The following GPC5 variants were observed in gnomAD, a reference collection of about 807,000 sequenced individuals.
The protein encoded by GPC5 is glypican-5.
Under a neutral mutation model 53.9 loss-of-function variants are expected in GPC5, and 47 were observed. The ratio of observed to expected loss-of-function variants is 0.87; its 90% CI spans 0.69 to 1.11. The LOEUF (loss-of-function observed/expected upper bound fraction) is 1.11, where lower values mean the gene tolerates loss of function less well. GPC5 is among the 50% of genes most tolerant of loss of function. The probability of loss-of-function intolerance (pLI) is 0.00; values close to 1 mark genes in which losing one functional copy is unlikely to be tolerated. For missense variants in GPC5, 748 were observed against 713.1 expected, an observed-to-expected ratio of 1.05 and a Z score of -0.56; for synonymous variants, 286 against 263.3, an observed-to-expected ratio of 1.09 and a Z score of -0.84.
At chr13:92,406,543 G>T (rs1875804380) in intron 7 of GPC5, among the ~76,000 whole-genome samples, 1 of 152,152 alleles carries the variant, frequency 6.6e-6, no homozygotes, top group African/African-American at 2.4e-5. Context: ...TGAGCCAGGT[G>T]CTCTGCTCCA....
intron 7 of GPC5, among the ~76,000 whole-genome samples, chr13:92,654,297 C>G (rs557206539): frequency 6.6e-6 from 1 of 152,244 alleles, no homozygotes; most frequent in South Asian, 2.1e-4. Context: ...CCTTATAACT[C>G]AATATTTCCA....
chr13:92,295,622 A>G (rs1230581777), intron 7 of GPC5, among the ~76,000 whole-genome samples: 3 of 152,132 alleles, frequency 2.0e-5, no homozygotes, highest in Non-Finnish European at 4.4e-5. Flanking sequence ...TAATTGTTTT[A>G]TAATCTTGGG....
In GPC5 at chr13:92,374,502, A is replaced by C. The variant is rs577682429; in HGVS notation, c.1561+229513A>C. ...GAGCTTCCTCCTGGATAAAAAGTACACCATGGAATACTATGCAGCCATAAA... is the reference window on the plus strand; with the variant it reads ...GAGCTTCCTCCTGGATAAAAAGTACCCCATGGAATACTATGCAGCCATAAA... On this transcript the variant is annotated intron_variant, in intron 7 of 7. Coordinates refer to ENST00000377067, the MANE Select transcript of GPC5 (RefSeq NM_004466.6). Among the ~76,000 whole-genome samples the C allele has an allele frequency of 2.0e-5, 3 of 152,200 alleles. No individual in the cohort carries two copies. The East Asian group carries it at 5.8e-4, about 29-fold the overall frequency.
At chr13:92,057,273 G>A (rs1250232141) in intron 6 of GPC5, among the ~76,000 whole-genome samples, 1 of 150,998 alleles carries the variant, frequency 6.6e-6, no homozygotes, top group East Asian at 2.0e-4. Context: ...CATATGAAGT[G>A]ACAGAAATGT....
chr13:92,196,249 A>G (rs2042256036), intron 7 of GPC5, among the ~76,000 whole-genome samples: 2 of 152,136 alleles, frequency 1.3e-5, no homozygotes, highest in Admixed American at 1.3e-4. Context: ...ATTAATATCA[A>G]TTTTACAGCC....
intron 5 of GPC5, among the ~76,000 whole-genome samples, chr13:91,803,136 G>C (rs1270700044): frequency 2.0e-5 from 3 of 152,086 alleles, no homozygotes; most frequent in Admixed American, 1.3e-4. Context: ...ACCAAAAATT[G>C]TCATTAACTA....
chr13:92,823,015 T>A (rs1877725525), intron 7 of GPC5, among the ~76,000 whole-genome samples: 1 of 151,544 alleles, frequency 6.6e-6, no homozygotes. Flanking sequence ...TACTACCAGG[T>A]CTCTTGGCAT....
At chr13:91,492,634 C>T (rs1405283558) in intron 2 of GPC5, among the ~76,000 whole-genome samples, 1 of 152,192 alleles carries the variant, frequency 6.6e-6, no homozygotes, top group Non-Finnish European at 1.5e-5. Context: ...TTCAGTTCAG[C>T]TCACCAGTTC....
chr13:91,622,082 T>G (rs1359469643), intron 2 of GPC5, among the ~76,000 whole-genome samples: 8 of 152,000 alleles, frequency 5.3e-5, no homozygotes, highest in African/African-American at 1.7e-4. Context: ...TGCCCTTCCA[T>G]CTTCTCTTGC....
At chr13:92,019,014 GT>G (rs548620294) in intron 6 of GPC5, among the ~76,000 whole-genome samples, 69 of 151,956 alleles carry the variant, frequency 4.5e-4, no homozygotes, top group Non-Finnish European at 8.5e-4. Flanking sequence ...TAAAATATTG[GT>G]GTATGTTCGA....
chr13:91,848,536 A>G (rs1420766453), intron 5 of GPC5, among the ~76,000 whole-genome samples: 2 of 152,214 alleles, frequency 1.3e-5, no homozygotes, highest in Non-Finnish European at 2.9e-5. Context: ...TGGGCCTATA[A>G]GAGTTAGAAG....
intron 7 of GPC5, among the ~76,000 whole-genome samples, chr13:92,445,054 G>A (rs1159336942): frequency 6.6e-6 from 1 of 152,046 alleles, no homozygotes; most frequent in Non-Finnish European, 1.5e-5. Flanking sequence ...GCAGTTCTTA[G>A]GTTGTCTAAT....
At chr13:92,141,181 A>G (rs978713938) in intron 6 of GPC5, among the ~76,000 whole-genome samples, 3 of 152,190 alleles carry the variant, frequency 2.0e-5, no homozygotes, top group African/African-American at 7.2e-5. Flanking sequence ...ATCAAGTTTT[A>G]TTACAATATG....
chr13:91,457,237 T>A (rs1440152256), intron 2 of GPC5, among the ~76,000 whole-genome samples: 1 of 152,088 alleles, frequency 6.6e-6, no homozygotes, highest in Non-Finnish European at 1.5e-5. Flanking sequence ...TGTAACTAAT[T>A]AGTTTAAAAA....
intron 6 of GPC5, among the ~76,000 whole-genome samples, chr13:92,106,985 C>A (rs1317690085): frequency 6.6e-6 from 1 of 152,078 alleles, no homozygotes; most frequent in Non-Finnish European, 1.5e-5. Context: ...ACTTTACTTT[C>A]AAAGGGGTTT....
At chr13:91,722,300 G>A (rs2036490786) in intron 3 of GPC5, among the ~76,000 whole-genome samples, 1 of 152,136 alleles carries the variant, frequency 6.6e-6, no homozygotes, top group Non-Finnish European at 1.5e-5. Context: ...TAACGACATT[G>A]GCCCTGCAGC....
intron 6 of GPC5, among the ~76,000 whole-genome samples, chr13:92,045,436 T>C (rs995872971): frequency 6.6e-6 from 1 of 151,952 alleles, no homozygotes; most frequent in African/African-American, 2.4e-5. Flanking sequence ...GAGAAGGGAG[T>C]AACTTCATTC....
At chr13:92,822,485 AT>A (rs1877707522) in intron 7 of GPC5, among the ~76,000 whole-genome samples, 1 of 152,142 alleles carries the variant, frequency 6.6e-6, no homozygotes, top group African/African-American at 2.4e-5. Context: ...AAGATAAAAT[AT>A]CTTCACCTCA....
Position 92,345,245 on chromosome 13 carries a change from T to C in GPC5, c.1561+200256T>C, listed in dbSNP as rs531075086. On this transcript the variant is annotated intron_variant, in intron 7 of 7. Coordinates refer to ENST00000377067, the MANE Select transcript of GPC5 (RefSeq NM_004466.6). ...AAAGATCACAGAAAGAGAAGTAAAA[T>C]TGTGAGGAAGAACTATGTGAAAAGT... is the stretch of plus-strand genomic sequence containing the variant. Among the ~76,000 whole-genome samples, 7 of 151,892 alleles carry C rather than the reference T, an allele frequency of 4.6e-5. No homozygotes were observed. The South Asian group carries it at 1.2e-3, about 27-fold the overall frequency.
Sources: allele counts gnomAD v4.1 joint callset (sites outside exome capture counted in the v4.1 genomes callset), GRCh38; gene constraint gnomAD v4.1.1; transcripts MANE v1.5; gene names NCBI Gene and HGNC (gene_info 2026-07-23, HGNC 2026-07-21).